Variants in TLR2 observed in about 807,000 individuals in gnomAD.
TLR2 encodes toll like receptor 2.
In TLR2, 7 loss-of-function variants were observed where a neutral mutation model predicts 9.1. The observed-to-expected ratio is 0.77, with a 90% CI of 0.44 to 1.44. The LOEUF is 1.44. Among genes scored for constraint, TLR2 ranks in the 40% most tolerant of loss-of-function variants. The pLI is 0.01. For synonymous variants in TLR2, 317 were observed against 344.6 expected, an observed-to-expected ratio of 0.92 and a Z score of 0.89; for missense variants, 812 against 904.6, an observed-to-expected ratio of 0.90 and a Z score of 1.31.
intron 1 of TLR2, among the ~76,000 whole-genome samples, chr4:153,684,828 G>T (rs1338754415): frequency 6.6e-6 from 1 of 152,116 alleles, no homozygotes; most frequent in Non-Finnish European, 1.5e-5. Context: ...CGGTGGCCCC[G>T]GCCCGGCCCT....
Position 153,703,777 on chromosome 4 carries a change from T to C in TLR2, c.870T>C (p.Asn290=), listed in dbSNP as rs751938609. 14 of 1,613,958 alleles carry C rather than the reference T, an allele frequency of 8.7e-6. No individual in the cohort carries two copies. Among genetic ancestry groups the C allele is most frequent in the Non-Finnish European group, 1.2e-5 (14 of 1,179,980 alleles). The change falls in exon 3 of 3, where the codon AAT becomes AAC. Residue 290 remains asparagine (N), a synonymous_variant. Coordinates refer to ENST00000642700, the MANE Select transcript of TLR2 (RefSeq NM_001318789.2). ...TAGAGTTTGATGACTGTACCCTTAA[T>C]GGAGTTGGTAATTTTAGAGCATCTG... ...LELEFDDCTL[N]GVGNFRASDN...
At position 153,704,505 on chromosome 4, in the gene TLR2, A is replaced by G. The variant is rs771138351; in HGVS notation, c.1598A>G (p.Asn533Ser). Residue 533 changes from asparagine (N) to serine (S), a missense_variant, in exon 3 of 3, where the codon AAT (asparagine) becomes AGT (serine). Asn to Ser is a conservative substitution (Grantham distance 46). Coordinates refer to ENST00000642700, the MANE Select transcript of TLR2 (RefSeq NM_001318789.2). ...CTGAAGACTTTGGAAGCTGGTGGCA[A>G]TAACTTCATTTGCTCCTGTGAATTC... ...HTLKTLEAGG[N>S]NFICSCEFLS... 1.2e-6 allele frequency: 2 copies of G among 1,614,074 alleles called. No individual in the cohort carries two copies. Among genetic ancestry groups the G allele is most frequent in the East Asian group, 2.2e-5 (1 of 44,876 alleles).
rs568577124 is a variant in TLR2, at chr4:153,702,898, G to A, written c.-10G>A. 2.4e-5 allele frequency: 39 copies of A among 1,593,146 alleles called. No homozygotes were observed. In the South Asian group the frequency reaches 4.3e-4, roughly 17 times the overall value. On this transcript the variant is annotated 5_prime_UTR_variant, in exon 3 of 3. Transcript: ENST00000642700. Reference sequence around the variant, plus strand: ...GAACCTCTTTTATTTGTAGGTTGAAGCACTGGACAATGCCACATACTTTGT... The same window carrying A: ...GAACCTCTTTTATTTGTAGGTTGAAACACTGGACAATGCCACATACTTTGT...
At chr4:153,698,024 C>T (rs952382042) in intron 2 of TLR2, among the ~76,000 whole-genome samples, 2 of 152,158 alleles carry the variant, frequency 1.3e-5, no homozygotes, top group South Asian at 4.1e-4. Context: ...TTGTTTTACT[C>T]TGGTACTTTC....
chr4:153,698,035 C>T (rs115434700), intron 2 of TLR2, among the ~76,000 whole-genome samples: 2,249 of 152,132 alleles, frequency 0.015, 27 homozygotes, highest in African/African-American at 0.025. Context: ...TGGTACTTTC[C>T]GGAACACTGT....
intron 1 of TLR2, among the ~76,000 whole-genome samples, chr4:153,685,038 T>G (rs10006364): frequency 0.036 from 5,521 of 151,774 alleles, 240 homozygotes; most frequent in Middle Eastern, 0.11. Flanking sequence ...GGCTCAGAGG[T>G]GGGAAAGGTT....
chr4:153,688,828 C>T (rs1310188877), intron 2 of TLR2, among the ~76,000 whole-genome samples: 2 of 152,174 alleles, frequency 1.3e-5, no homozygotes, highest in African/African-American at 4.8e-5. Flanking sequence ...TGTTTATGGC[C>T]AAATCTGGGG....
Position 153,684,377 on chromosome 4 carries a change from C to T in TLR2, c.-163+17C>T, listed in dbSNP as rs576611646. The stretch of plus-strand genomic sequence containing the variant: ...TTCTCCCAGGTACGTCGTGCGCTCC[C>T]CACTCGTGTGGTCTCTCTGCACCCC... On this transcript the variant is annotated intron_variant, in intron 1 of 2. Coordinates refer to ENST00000642700, the MANE Select transcript of TLR2 (RefSeq NM_001318789.2). The T allele has an allele frequency of 1.3e-5, 2 of 152,296 alleles. No homozygotes were observed. The highest frequency in any genetic ancestry group is 2.9e-5 in the Non-Finnish European group (2 of 68,084). The allele number at this position is 152,296 out of a possible 1,614,324, so 9.4% of individuals were successfully genotyped here. A position where few individuals can be genotyped will look rare whatever the true frequency, so the allele number is the denominator to read the frequency against.
At chr4:153,691,489 A>T (rs1736111922) in intron 2 of TLR2, among the ~76,000 whole-genome samples, 2 of 152,230 alleles carry the variant, frequency 1.3e-5, no homozygotes, top group Non-Finnish European at 2.9e-5. Flanking sequence ...CCACTGTACA[A>T]AGTCTTGCTC....
At chr4:153,685,744 T>A (rs1735659229) in intron 1 of TLR2, among the ~76,000 whole-genome samples, 1 of 151,960 alleles carries the variant, frequency 6.6e-6, no homozygotes, top group African/African-American at 2.4e-5. Context: ...ATTGATAAAC[T>A]AACAGAGTAG....
At chr4:153,695,998 G>A (rs945413752) in intron 2 of TLR2, among the ~76,000 whole-genome samples, 4 of 151,974 alleles carry the variant, frequency 2.6e-5, no homozygotes, top group African/African-American at 4.8e-5. Context: ...GTGTGGATTT[G>A]TTTCTGGGTT....
At chr4:153,707,884 A>G (rs1262403153), downstream of TLR2, among the ~76,000 whole-genome samples, 3 of 152,154 alleles carry the variant, frequency 2.0e-5, no homozygotes, top group Non-Finnish European at 2.9e-5. Context: ...GCCTATTCAC[A>G]TTAAAGGTGG....
At chr4:153,707,112 A>G (rs1008363956), downstream of TLR2, among the ~76,000 whole-genome samples, 2 of 152,196 alleles carry the variant, frequency 1.3e-5, no homozygotes, top group Non-Finnish European at 2.9e-5. Flanking sequence ...GGATACTAGC[A>G]GGGATATAAG....
chr4:153,709,080 C>T (rs186327349), downstream of TLR2, among the ~76,000 whole-genome samples: 2 of 152,162 alleles, frequency 1.3e-5, no homozygotes, highest in African/African-American at 4.8e-5. Context: ...CATTCATGCT[C>T]CTTAATTTTC....
chr4:153,696,740 T>A (rs1736528245), intron 2 of TLR2, among the ~76,000 whole-genome samples: 1 of 152,128 alleles, frequency 6.6e-6, no homozygotes, highest in Non-Finnish European at 1.5e-5. Context: ...GCTTTATAGT[T>A]TTCACTGGAA....
At chr4:153,708,656 C>T (rs751629289), downstream of TLR2, among the ~76,000 whole-genome samples, 18 of 152,160 alleles carry the variant, frequency 1.2e-4, no homozygotes, top group Non-Finnish European at 2.5e-4. Context: ...TCAGACTGTA[C>T]CTGCACAGAT....
chr4:153,708,592 A>G (rs7691442), downstream of TLR2, among the ~76,000 whole-genome samples: 41,982 of 152,096 alleles, frequency 0.28, 6,295 homozygotes, highest in Middle Eastern at 0.41. Flanking sequence ...TCAGAGAAGC[A>G]GTCTGCCTGG....
rs772861785 is a variant in TLR2 at position 153,704,121 on chromosome 4, C to T, written c.1214C>T (p.Thr405Ile). 3.7e-6 allele frequency: 6 copies of T among 1,613,940 alleles called. No homozygotes were observed. The South Asian group carries it at 6.6e-5, about 18-fold the overall frequency. ...RQNHLASLEK[T>I]GETLLTLKNL... ...AATCATTTGGCATCATTGGAAAAAA[C>T]CGGAGAGACTTTGCTCACTCTGAAA... The change falls in exon 3 of 3, where the codon ACC becomes ATC. Residue 405 changes from threonine (T) to isoleucine (I), a missense_variant. By Grantham distance (89) the Thr-to-Ile change is moderately conservative (BLOSUM62 -1). Coordinates refer to ENST00000642700, the MANE Select transcript of TLR2 (RefSeq NM_001318789.2).
At chr4:153,690,423 G>T (rs1171303426) in intron 2 of TLR2, among the ~76,000 whole-genome samples, 1 of 152,218 alleles carries the variant, frequency 6.6e-6, no homozygotes, top group Non-Finnish European at 1.5e-5. Flanking sequence ...AGCTTGGCTA[G>T]TATAGCCTGG....
Sources: allele counts gnomAD v4.1 joint callset (sites outside exome capture counted in the v4.1 genomes callset), GRCh38; gene constraint gnomAD v4.1.1; transcripts MANE v1.5; gene names NCBI Gene and HGNC (gene_info 2026-07-23, HGNC 2026-07-21).